The following PRKAG2 variants were observed in gnomAD, a reference collection of about 807,000 sequenced individuals.
PRKAG2 encodes the protein 5'-AMP-activated protein kinase subunit gamma-2.
A neutral mutation model predicts 69.6 loss-of-function variants in PRKAG2; 26 were observed. The ratio of observed to expected loss-of-function variants is 0.37; its 90% CI spans 0.27 to 0.52. The LOEUF is 0.52. PRKAG2 is among the 20% of genes least tolerant of loss of function. PRKAG2 has a pLI of 0.90. For synonymous variants in PRKAG2, 293 were observed against 285.0 expected, an observed-to-expected ratio of 1.03 and a Z score of -0.28; for missense variants, 557 against 740.0, an observed-to-expected ratio of 0.75 and a Z score of 2.87.
chr7:151,568,898 T>G, intron 10 of PRKAG2, 56 bp from the exon 11 acceptor site: 1 of 1,598,340 alleles, frequency 6.3e-7, no homozygotes, highest in South Asian at 1.1e-5. Context: ...TCAGAACACT[T>G]TGGACTACCC....
chr7:151,675,539 T>A lies in PRKAG2; in HGVS notation c.565A>T (p.Asn189Tyr). 1.2e-6 allele frequency: 2 copies of A among 1,614,102 alleles called. No individual in the cohort carries two copies. The highest frequency in any genetic ancestry group is 1.7e-6 in the Non-Finnish European group (2 of 1,179,948). The change falls in exon 4 of 16, where the codon AAT (asparagine) becomes TAT (tyrosine). Residue 189 changes from asparagine to tyrosine, a missense_variant. Transcript: ENST00000287878. Reference sequence around the variant, plus strand: ...GGGGAAGACGAGGCATAGATGCGATTCTCTAACCGTTCAGGCTCGTGCTTA... The same window carrying A: ...GGGGAAGACGAGGCATAGATGCGATACTCTAACCGTTCAGGCTCGTGCTTA... ...SYKHEPERLENRIYASSSPPD... is the reference protein window; with the variant it reads ...SYKHEPERLEYRIYASSSPPD...
At chr7:151,819,224 A>T (rs2374299) in intron 1 of PRKAG2, among the ~76,000 whole-genome samples, 80,451 of 152,068 alleles carry the variant, frequency 0.53, 21,495 homozygotes, top group South Asian at 0.57. Flanking sequence ...TAGCTAGACC[A>T]GTCCTGCCGG....
At chr7:151,789,645 T>G (rs528627575) in intron 1 of PRKAG2, among the ~76,000 whole-genome samples, 44 of 152,356 alleles carry the variant, frequency 2.9e-4, no homozygotes, top group African/African-American at 8.9e-4. Context: ...AGATCTCAGA[T>G]GTGCAGATTC....
chr7:151,557,840 C>T, intron 15 of PRKAG2: 1 of 896,962 alleles, frequency 1.1e-6, no homozygotes, highest in Non-Finnish European at 1.3e-6. Flanking sequence ...CCATTGCACT[C>T]CAGCCTGGTT....
At chr7:151,610,276 G>T (rs927339139) in intron 5 of PRKAG2, among the ~76,000 whole-genome samples, 6 of 152,316 alleles carry the variant, frequency 3.9e-5, no homozygotes, top group African/African-American at 1.2e-4. Flanking sequence ...GACTGAGACG[G>T]GAGAATGGCG....
intron 3 of PRKAG2, among the ~76,000 whole-genome samples, chr7:151,754,452 C>T (rs996245434): frequency 1.3e-5 from 2 of 152,370 alleles, no homozygotes; most frequent in Non-Finnish European, 2.9e-5. Flanking sequence ...TGCCCTGGTC[C>T]GGAAGGCTCC....
At chr7:151,658,826 T>C (rs1057447053) in intron 4 of PRKAG2, among the ~76,000 whole-genome samples, 1 of 152,178 alleles carries the variant, frequency 6.6e-6, no homozygotes, top group Non-Finnish European at 1.5e-5. Context: ...GTTTCTATTA[T>C]TTGACTGGTG....
chr7:151,778,064 G>C (rs2076478360), intron 3 of PRKAG2, among the ~76,000 whole-genome samples: 1 of 152,072 alleles, frequency 6.6e-6, no homozygotes, highest in African/African-American at 2.4e-5. Context: ...ACCCCACCCA[G>C]ACCCATGACT....
Position 151,781,085 on chromosome 7 carries a change from T to C in PRKAG2, c.466+67A>G, listed in dbSNP as rs2076643582. ...CTGGCAGCTTCGGTGCCACCGTGGA[T>C]GTGTGGCTGCAGAAGAGACCCCCAG... On this transcript the variant is annotated intron_variant, in intron 3 of 15. Coordinates refer to ENST00000287878, the MANE Select transcript of PRKAG2 (RefSeq NM_016203.4). The surrounding 1 kb of genome is among the most constrained non-coding windows in gnomAD (Gnocchi z 6.1). 1.9e-6 allele frequency: 3 copies of C among 1,596,170 alleles called. No individual in the cohort carries two copies. The highest frequency in any genetic ancestry group is 1.3e-5 in the African/African-American group (1 of 74,464).
intron 14 of PRKAG2, among the ~76,000 whole-genome samples, chr7:151,562,954 C>CAA (rs35394134): frequency 1.9e-4 from 22 of 113,340 alleles, no homozygotes; most frequent in Non-Finnish European, 3.1e-4. Context: ...GACTCCGTCT[C>CAA]AAAAAAAAAA....
intron 4 of PRKAG2, among the ~76,000 whole-genome samples, chr7:151,656,149 T>C (rs1446887369): frequency 6.6e-6 from 1 of 152,194 alleles, no homozygotes; most frequent in African/African-American, 2.4e-5. Flanking sequence ...TCATTTATCA[T>C]AGCCATTGAT....
chr7:151,784,141 G>A (rs1018090356), intron 2 of PRKAG2, among the ~76,000 whole-genome samples: 2 of 152,060 alleles, frequency 1.3e-5, no homozygotes, highest in Non-Finnish European at 2.9e-5. Context: ...TCCAAGCCTC[G>A]TTCCCAGGGC....
chr7:151,651,881 A>C (rs111280656), intron 4 of PRKAG2, among the ~76,000 whole-genome samples: 2 of 152,120 alleles, frequency 1.3e-5, no homozygotes, highest in Non-Finnish European at 2.9e-5. Context: ...AGTAGAATGG[A>C]GGTTCCAGAG....
At chr7:151,672,556 C>A (rs958398523) in intron 4 of PRKAG2, among the ~76,000 whole-genome samples, 1 of 152,006 alleles carries the variant, frequency 6.6e-6, no homozygotes, top group Non-Finnish European at 1.5e-5. Context: ...CCCCCAGCCC[C>A]CGGTACCCAC....
chr7:151,749,730 C>G lies in PRKAG2; in HGVS notation c.466+31422G>C, dbSNP rs115425576. The stretch of plus-strand genomic sequence containing the variant: ...AAAGATGCTAAACTTTACTAGGGAA[C>G]TGCAAATCAAAACAGCAATGGTAGA... On this transcript the variant is annotated intron_variant, in intron 3 of 15. Transcript: ENST00000287878. Among the ~76,000 whole-genome samples the G allele has an allele frequency of 5.3e-5, 8 of 149,826 alleles. No homozygotes were observed. The South Asian group carries it at 1.7e-3, about 31-fold the overall frequency.
intron 1 of PRKAG2, among the ~76,000 whole-genome samples, chr7:151,858,169 A>AG (rs1473389429): frequency 6.6e-6 from 1 of 152,156 alleles, no homozygotes; most frequent in Non-Finnish European, 1.5e-5. Flanking sequence ...AAGGCTCAGA[A>AG]GGGTGGGCTG....
intron 2 of PRKAG2, among the ~76,000 whole-genome samples, chr7:151,783,715 A>G (rs1247636190): frequency 6.6e-6 from 1 of 151,830 alleles, no homozygotes; most frequent in Non-Finnish European, 1.5e-5. Flanking sequence ...GAGCTCGACC[A>G]GCCTGGGCAA....
rs1297995477 is a variant in PRKAG2 at position 151,568,580 on chromosome 7, G to T, written c.1233+136C>A. 4 of 906,042 alleles carry T rather than the reference G, an allele frequency of 4.4e-6. No individual in the cohort carries two copies. In the Admixed American group the frequency reaches 8.8e-5, roughly 20 times the overall value. The allele number at this position is 906,042 out of a possible 1,614,324, so 56.1% of individuals were successfully genotyped here. A position where few individuals can be genotyped will look rare whatever the true frequency, so the allele number is the denominator to read the frequency against. ...TACAATTCAGAGAGTAGTAAGTTGA[G>T]AAACTGAAGTTTAGAAAGGGAGACC... On this transcript the variant is annotated intron_variant, in intron 11 of 15. Transcript: ENST00000287878.
chr7:151,855,253 A>ATGCTCCACACACACCG (rs2079711528), intron 1 of PRKAG2, among the ~76,000 whole-genome samples: 1 of 13,026 alleles, frequency 7.7e-5, no homozygotes, highest in Non-Finnish European at 1.6e-4. Flanking sequence ...CACACACACC[A>ATGCTCCACACACACCG]CCCTCCACAC....
Sources: gnomAD v4.1 joint callset for allele counts (sites outside exome capture counted in the v4.1 genomes callset) on GRCh38, gnomAD v4.1.1 for gene constraint, Gnocchi (gnomAD v3.1) non-coding constraint, MANE v1.5 for transcripts, NCBI Gene and HGNC (gene_info 2026-07-23, HGNC 2026-07-21) for gene names.